The following PRMT7 variants were observed in gnomAD, a reference collection of about 807,000 sequenced individuals.
The protein encoded by PRMT7 is protein arginine N-methyltransferase 7.
Under a neutral mutation model 85.4 loss-of-function variants are expected in PRMT7, and 75 were observed. The observed-to-expected ratio is 0.88, with a 90% CI of 0.73 to 1.06. The LOEUF is 1.06. Among genes scored for constraint, PRMT7 ranks in the 50% least tolerant of loss-of-function variants. PRMT7 has a pLI of 0.00. For synonymous variants in PRMT7, 397 were observed against 359.5 expected, an observed-to-expected ratio of 1.10 and a Z score of -1.18; for missense variants, 868 against 915.2, an observed-to-expected ratio of 0.95 and a Z score of 0.67.
At chr16:68,340,027 G>A (rs770404518) in intron 9 of PRMT7, 59 bp downstream of exon 9, 3 of 1,483,620 alleles carry the variant, frequency 2.0e-6, no homozygotes, top group Non-Finnish European at 2.7e-6. Context: ...GCTGTTCATG[G>A]GAAAGTAACA....
chr16:68,347,883 T>A (rs2086648938), intron 13 of PRMT7, among the ~76,000 whole-genome samples: 1 of 152,204 alleles, frequency 6.6e-6, no homozygotes, highest in Non-Finnish European at 1.5e-5. Flanking sequence ...CTGCTTTGTT[T>A]TTTTGTGTCT....
rs1345494068 is a variant in PRMT7, at chr16:68,324,847, T to A, written c.282+15T>A. ...ATGCCATCGAGGTAAGCCATTCCCT[T>A]CAGGTGTGTGTCCTGCATCTTGCAT... On this transcript the variant is annotated intron_variant, in intron 5 of 18. Transcript: ENST00000441236. 1 of 1,613,254 alleles carries A rather than the reference T, an allele frequency of 6.2e-7. No individual in the cohort carries two copies. The highest frequency in any genetic ancestry group is 8.5e-7 in the Non-Finnish European group (1 of 1,179,918).
In PRMT7 at chr16:68,358,334, TCA is replaced by T. The variant is rs747268914; in HGVS notation, c.*1113_*1114del. The T allele has an allele frequency of 3.3e-5, 5 of 152,732 alleles. No individual in the cohort carries two copies. The highest frequency in any genetic ancestry group is 4.1e-4 in the South Asian group (2 of 4,836). The allele number at this position is 152,732 out of a possible 1,614,324, so 9.5% of individuals were successfully genotyped here. On this transcript the variant is annotated 3_prime_UTR_variant, in exon 19 of 19. Transcript: ENST00000441236. Reference sequence around the variant, plus strand: ...AAGTGGAGAACACCAGCCTTGAGCCTCACAGTTTTATTTTCTCCTCGTTATCC... The same window carrying T: ...AAGTGGAGAACACCAGCCTTGAGCCTCAGTTTTATTTTCTCCTCGTTATCC...
At chr16:68,341,214 C>T (rs1597371660) in intron 9 of PRMT7, among the ~76,000 whole-genome samples, 1 of 152,216 alleles carries the variant, frequency 6.6e-6, no homozygotes, top group East Asian at 1.9e-4. Context: ...CACTCTCACA[C>T]TCAAAGGAAA....
chr16:68,341,528 G>T (rs191862753), intron 9 of PRMT7, among the ~76,000 whole-genome samples: 1 of 152,148 alleles, frequency 6.6e-6, no homozygotes, highest in Non-Finnish European at 1.5e-5. Context: ...TCCTGCCTCA[G>T]CCCCCTGAGT....
chr16:68,356,753 G>C lies in PRMT7; in HGVS notation c.1864G>C (p.Glu622Gln). ...VLWMEYHLTP[E>Q]CTLSTGLLEP... Reference sequence around the variant, plus strand: ...ATGGATGGAGTACCACCTGACCCCGGAGTGCACGCTCAGCACTGGCCTCCT... The same window carrying C: ...ATGGATGGAGTACCACCTGACCCCGCAGTGCACGCTCAGCACTGGCCTCCT... The change falls in exon 18 of 19, where the codon GAG becomes CAG. Residue 622 changes from glutamate to glutamine, a missense_variant. Physicochemically the swap from Glu to Gln is conservative, Grantham distance 29. Coordinates refer to ENST00000441236, the MANE Select transcript of PRMT7 (RefSeq NM_019023.5). The C allele has an allele frequency of 6.2e-7, 1 of 1,611,326 alleles. No homozygotes were observed. The highest frequency in any genetic ancestry group is 8.5e-7 in the Non-Finnish European group (1 of 1,179,828).
chr16:68,334,752 G>C (rs1457127237), intron 6 of PRMT7, among the ~76,000 whole-genome samples: 1 of 151,904 alleles, frequency 6.6e-6, no homozygotes, highest in African/African-American at 2.4e-5. Context: ...CCCTCAAGAA[G>C]TACTTGTTAA....
At chr16:68,350,086 G>A (rs1213802523) in intron 14 of PRMT7, among the ~76,000 whole-genome samples, 3 of 152,272 alleles carry the variant, frequency 2.0e-5, no homozygotes, top group South Asian at 4.1e-4. Context: ...GGCTCCTTTC[G>A]CTGAGCATAA....
chr16:68,354,606 T>C (rs1364354784), intron 16 of PRMT7: 1 of 152,340 alleles, frequency 6.6e-6, no homozygotes, highest in African/African-American at 2.4e-5. Flanking sequence ...CCATTGACTG[T>C]TCGATGCTTT....
At chr16:68,341,431 T>C (rs1335552903) in intron 9 of PRMT7, among the ~76,000 whole-genome samples, 1 of 152,190 alleles carries the variant, frequency 6.6e-6, no homozygotes, top group African/African-American at 2.4e-5. Flanking sequence ...TGTTTTGAGA[T>C]GGAGTTTCGT....
intron 9 of PRMT7, among the ~76,000 whole-genome samples, chr16:68,343,714 C>G (rs1171429813): frequency 6.6e-6 from 1 of 152,162 alleles, no homozygotes; most frequent in Non-Finnish European, 1.5e-5. Context: ...TTTAAAAGAA[C>G]CTGTGTTATT....
intron 6 of PRMT7, among the ~76,000 whole-genome samples, chr16:68,331,754 G>C (rs151275515): frequency 6.6e-6 from 1 of 152,314 alleles, no homozygotes; most frequent in East Asian, 1.9e-4. Flanking sequence ...GATTACAGGC[G>C]TGGGCCGCTG....
chr16:68,347,637 A>G lies in PRMT7; in HGVS notation c.1282A>G (p.Thr428Ala). 6.2e-7 allele frequency: 1 copy of G among 1,613,730 alleles called. No individual in the cohort carries two copies. The highest frequency in any genetic ancestry group is 8.5e-7 in the Non-Finnish European group (1 of 1,179,598). The change falls in exon 13 of 19, where the codon ACA becomes GCA. Residue 428 changes from threonine (T) to alanine (A), a missense_variant. By Grantham distance (58) the Thr-to-Ala change is moderately conservative. Coordinates refer to ENST00000441236, the MANE Select transcript of PRMT7 (RefSeq NM_019023.5). ...AGCGTGGTGTTCCCTCTAGGTGTTTACAGTCGAGAGTTCAGCAGCTTCTCA... is the reference window on the plus strand; with the variant it reads ...AGCGTGGTGTTCCCTCTAGGTGTTTGCAGTCGAGAGTTCAGCAGCTTCTCA... ...AHHLGVEQVF[T>A]VESSAASHKL...
chr16:68,331,107 T>TC (rs978126038), intron 6 of PRMT7, among the ~76,000 whole-genome samples: 10 of 152,058 alleles, frequency 6.6e-5, no homozygotes, highest in Admixed American at 1.3e-4. Flanking sequence ...TTTCTATCAG[T>TC]CCCCCCATAT....
At position 68,357,719 on chromosome 16, in the gene PRMT7, C is replaced by T. The variant is rs917298925; in HGVS notation, c.*495C>T. On this transcript the variant is annotated 3_prime_UTR_variant, in exon 19 of 19. Transcript: ENST00000441236. ...GGCTGGGTCTCTGGGGCTTGAAGAC[C>T]CTGGCTGGGCCCGGGCTGAGAGGCC... is the stretch of plus-strand genomic sequence containing the variant. 2 of 78,606 alleles carry T rather than the reference C, an allele frequency of 2.5e-5. No individual in the cohort carries two copies. Among genetic ancestry groups the T allele is most frequent in the Non-Finnish European group, 5.0e-5 (2 of 39,784 alleles). The allele number at this position is 78,606 out of a possible 1,614,324, so 4.9% of individuals were successfully genotyped here.
intron 9 of PRMT7, among the ~76,000 whole-genome samples, chr16:68,343,860 G>A (rs773093794): frequency 2.6e-5 from 4 of 152,152 alleles, no homozygotes. Context: ...AGGTGGGTGG[G>A]CACATTCCTT....
chr16:68,339,682 A>T (rs943830349), intron 8 of PRMT7, 106 bp from the exon 9 acceptor site: 1 of 1,572,970 alleles, frequency 6.4e-7, no homozygotes. Flanking sequence ...CGAAGGCAAG[A>T]GTCCTTTGCA....
At chr16:68,329,029 T>C (rs1371769396) in intron 5 of PRMT7, 37 bp from the exon 6 acceptor site, 2 of 1,427,838 alleles carry the variant, frequency 1.4e-6, no homozygotes, top group Non-Finnish European at 2.0e-6. Context: ...TTTAATTTAT[T>C]GCTCATTTTT....
Position 68,358,148 on chromosome 16 carries a change from G to A in PRMT7, c.*924G>A, listed in dbSNP as rs2088920705. On this transcript the variant is annotated 3_prime_UTR_variant, in exon 19 of 19. Transcript: ENST00000441236. The stretch of plus-strand genomic sequence containing the variant: ...CTCTGGCTCGCAGCTTAGAAGGTGA[G>A]GCTTGTGCCAGGCCAGCCGAGCCGC... 1 of 152,320 alleles carries A rather than the reference G, an allele frequency of 6.6e-6. No homozygotes were observed. The highest frequency in any genetic ancestry group is 6.5e-5 in the Admixed American group (1 of 15,288). 9.4% of individuals were successfully genotyped at this position (152,320 alleles called of 1,614,324 possible).
Sources: gnomAD v4.1 joint callset for allele counts (sites outside exome capture counted in the v4.1 genomes callset) on GRCh38, gnomAD v4.1.1 for gene constraint, MANE v1.5 for transcripts, NCBI Gene and HGNC (gene_info 2026-07-23, HGNC 2026-07-21) for gene names.